The following ROR1 variants were observed in gnomAD, a reference collection of about 807,000 sequenced individuals.
ROR1 encodes inactive tyrosine-protein kinase transmembrane receptor ROR1.
Under a neutral mutation model 78.8 loss-of-function variants are expected in ROR1, and 19 were observed. The observed-to-expected ratio is 0.24, with a 90% CI of 0.17 to 0.35. The LOEUF is 0.35. Among genes scored for constraint, ROR1 ranks in the 10% least tolerant of loss-of-function variants. The pLI is 1.00. For missense variants in ROR1, 917 were observed against 1,177.8 expected (o/e 0.78, Z 3.24); for synonymous variants, 386 against 433.6 (o/e 0.89, Z 1.36).
chr1:64,095,828 C>T (rs1647283676), intron 4 of ROR1, among the ~76,000 whole-genome samples: 1 of 152,052 alleles, frequency 6.6e-6, no homozygotes, highest in Admixed American at 6.5e-5. Flanking sequence ...GTATCTAGTT[C>T]AAACATGAAA....
intron 2 of ROR1, among the ~76,000 whole-genome samples, chr1:64,029,573 G>T (rs1252012965): frequency 1.3e-5 from 2 of 152,190 alleles, no homozygotes; most frequent in African/African-American, 4.8e-5. Flanking sequence ...GCAGGAATCA[G>T]TTTCTGGTAA....
intron 1 of ROR1, among the ~76,000 whole-genome samples, chr1:63,800,389 T>A (rs571978493): frequency 6.6e-6 from 1 of 152,336 alleles, no homozygotes; most frequent in African/African-American, 2.4e-5. Context: ...GGTCTTTTTC[T>A]TATTCTTCTT....
chr1:63,942,242 G>T (rs1049527332), intron 1 of ROR1, among the ~76,000 whole-genome samples: 1 of 152,176 alleles, frequency 6.6e-6, no homozygotes, highest in Non-Finnish European at 1.5e-5. Flanking sequence ...GCTTTTCTGA[G>T]CCTTGGTTCC....
In ROR1 at chr1:63,774,275, G is replaced by A. The variant is rs1644596952; in HGVS notation, c.-143G>A. ...GGCGGAGGCGAGGGAGCAGGTTAGAGGGACAAAGAGCTTTGCAGACGTCCC... is the reference window on the plus strand; with the variant it reads ...GGCGGAGGCGAGGGAGCAGGTTAGAAGGACAAAGAGCTTTGCAGACGTCCC... On this transcript the variant is annotated 5_prime_UTR_variant, in exon 1 of 9. Coordinates refer to ENST00000371079, the MANE Select transcript of ROR1 (RefSeq NM_005012.4). This position sits in a 1 kb window ranked among gnomAD's most constrained non-coding sequence, Gnocchi z 5.7. 4.9e-6 allele frequency: 2 copies of A among 407,008 alleles called. No homozygotes were observed. Among genetic ancestry groups the A allele is most frequent in the Non-Finnish European group, 8.2e-6 (2 of 244,876 alleles). The allele number at this position is 407,008 out of a possible 1,614,324, so 25.2% of individuals were successfully genotyped here.
intron 1 of ROR1, among the ~76,000 whole-genome samples, chr1:63,878,666 T>C (rs1645304028): frequency 6.6e-6 from 1 of 152,170 alleles, no homozygotes; most frequent in African/African-American, 2.4e-5. Context: ...CCTATTCATC[T>C]TTCATCCTTC....
chr1:63,993,612 T>C (rs1646313818), intron 1 of ROR1, among the ~76,000 whole-genome samples: 1 of 152,268 alleles, frequency 6.6e-6, no homozygotes, highest in Non-Finnish European at 1.5e-5. Context: ...TATATTGTTG[T>C]ATACACACTA....
intron 2 of ROR1, among the ~76,000 whole-genome samples, chr1:64,038,345 GT>G (rs1160149062): frequency 6.6e-6 from 1 of 152,144 alleles, no homozygotes; most frequent in Non-Finnish European, 1.5e-5. Flanking sequence ...TGGCCAGCCT[GT>G]TTTGATCTCA....
At chr1:64,074,983 G>A (rs745843578) in intron 4 of ROR1, among the ~76,000 whole-genome samples, 2 of 152,166 alleles carry the variant, frequency 1.3e-5, no homozygotes, top group Non-Finnish European at 2.9e-5. Context: ...TCTGTTGAGT[G>A]CTTATTAGTG....
intron 4 of ROR1, among the ~76,000 whole-genome samples, chr1:64,124,008 T>C (rs961550574): frequency 2.0e-5 from 3 of 152,198 alleles, no homozygotes; most frequent in African/African-American, 7.2e-5. Flanking sequence ...CTAAAAGTAA[T>C]ATTTTAGAAG....
chr1:64,014,921 T>C (rs1445965063), intron 2 of ROR1, among the ~76,000 whole-genome samples: 1 of 149,802 alleles, frequency 6.7e-6, no homozygotes, highest in Admixed American at 6.7e-5. Flanking sequence ...TGGATGGAGA[T>C]ATATGTATCT....
At chr1:63,827,628 A>G (rs764368930) in intron 1 of ROR1, among the ~76,000 whole-genome samples, 5 of 152,200 alleles carry the variant, frequency 3.3e-5, no homozygotes, top group Non-Finnish European at 5.9e-5. Flanking sequence ...CCAGGAAACT[A>G]TCTAGGTTTC....
chr1:63,971,411 G>A (rs957622757), intron 1 of ROR1, among the ~76,000 whole-genome samples: 43 of 152,218 alleles, frequency 2.8e-4, no homozygotes, highest in African/African-American at 9.9e-4. Flanking sequence ...TTTTTGATTA[G>A]TATTTTTGTA....
chr1:63,961,168 G>C (rs1324783484), intron 1 of ROR1, among the ~76,000 whole-genome samples: 1 of 150,798 alleles, frequency 6.6e-6, no homozygotes, highest in Non-Finnish European at 1.5e-5. Context: ...AATATTATAA[G>C]GTCTGGAACA....
At chr1:63,855,528 T>C (rs1034760194) in intron 1 of ROR1, among the ~76,000 whole-genome samples, 6 of 152,234 alleles carry the variant, frequency 3.9e-5, no homozygotes, top group African/African-American at 1.4e-4. Flanking sequence ...TTGGATAGTT[T>C]TGATTTTTGT....
chr1:63,950,123 CA>C (rs1394946030), intron 1 of ROR1, among the ~76,000 whole-genome samples: 1 of 152,166 alleles, frequency 6.6e-6, no homozygotes, highest in Non-Finnish European at 1.5e-5. Flanking sequence ...TACCAGAAAG[CA>C]GCCCCAATCC....
intron 1 of ROR1, among the ~76,000 whole-genome samples, chr1:63,944,712 TG>T (rs1645870339): frequency 6.6e-6 from 1 of 152,134 alleles, no homozygotes; most frequent in Non-Finnish European, 1.5e-5. Flanking sequence ...AAATTGTGAG[TG>T]TGGTTCATGG....
intron 4 of ROR1, among the ~76,000 whole-genome samples, chr1:64,058,454 G>A (rs1646891517): frequency 6.6e-6 from 1 of 151,832 alleles, no homozygotes; most frequent in African/African-American, 2.4e-5. Context: ...TGAATATGAT[G>A]TTAGCTGCGT....
At chr1:63,783,854 G>A (rs540487239) in intron 1 of ROR1, among the ~76,000 whole-genome samples, 1 of 152,292 alleles carries the variant, frequency 6.6e-6, no homozygotes, top group East Asian at 1.9e-4. Context: ...AATGCATGTG[G>A]CAGGGTGCTC....
intron 4 of ROR1, among the ~76,000 whole-genome samples, chr1:64,121,058 C>CTTTTTTT (rs1648513280): frequency 8.9e-6 from 1 of 112,038 alleles, no homozygotes; most frequent in African/African-American, 3.8e-5. Context: ...GGGAGATACC[C>CTTTTTTT]CTTTTTTTTT....
Sources: gnomAD v4.1 joint callset for allele counts (sites outside exome capture counted in the v4.1 genomes callset) on GRCh38, gnomAD v4.1.1 for gene constraint, Gnocchi (gnomAD v3.1) non-coding constraint, MANE v1.5 for transcripts, NCBI Gene and HGNC (gene_info 2026-07-23, HGNC 2026-07-21) for gene names.